ERCC6L2: variants seen among roughly 807,000 people sequenced by gnomAD.
ERCC6L2 encodes the protein DNA excision repair protein ERCC-6-like 2.
Under a neutral mutation model 132.0 loss-of-function variants are expected in ERCC6L2, and 77 were observed. The ratio of observed to expected loss-of-function variants is 0.58; its 90% CI spans 0.49 to 0.71. The LOEUF (loss-of-function observed/expected upper bound fraction) is 0.71, where lower values mean the gene tolerates loss of function less well. Ranked by LOEUF, ERCC6L2 falls within the 30% of genes least tolerant of loss-of-function variation. ERCC6L2 has a pLI of 0.00. For missense variants in ERCC6L2, 1,542 were observed against 1,837.6 expected, an observed-to-expected ratio of 0.84 and a Z score of 2.94; for synonymous variants, 583 against 632.4, an observed-to-expected ratio of 0.92 and a Z score of 1.17.
chr9:96,020,889 T>C (rs1406900938), downstream of ERCC6L2: 5 of 456,510 alleles, frequency 1.1e-5, no homozygotes, highest in Non-Finnish European at 2.2e-5. Context: ...CTGGTTTGGG[T>C]TGGCCAGGCG....
intron 2 of ERCC6L2, among the ~76,000 whole-genome samples, chr9:95,881,602 A>G (rs1210272889): frequency 6.6e-6 from 1 of 152,202 alleles, no homozygotes; most frequent in Non-Finnish European, 1.5e-5. Context: ...AACTTTCTTC[A>G]TACTTAATGG....
intron 12 of ERCC6L2, among the ~76,000 whole-genome samples, chr9:95,949,471 A>G (rs1179568853): frequency 1.3e-5 from 2 of 152,212 alleles, no homozygotes; most frequent in Non-Finnish European, 2.9e-5. Context: ...TGTCATGTAC[A>G]AGGAATTTCC....
intron 11 of ERCC6L2, among the ~76,000 whole-genome samples, chr9:95,933,518 C>T (rs556946238): frequency 1.1e-4 from 17 of 152,256 alleles, no homozygotes; most frequent in Admixed American, 1.0e-3. Context: ...TCAATTTTCT[C>T]GCCTGAAAAA....
intron 3 of ERCC6L2, among the ~76,000 whole-genome samples, chr9:95,899,668 C>T (rs993358294): frequency 6.6e-6 from 1 of 150,642 alleles, no homozygotes; most frequent in South Asian, 2.1e-4. Context: ...ATATCACACA[C>T]ACACATATAC....
In ERCC6L2 at chr9:95,922,288, T is replaced by C. The variant is rs376872205; in HGVS notation, c.1300-17T>C. 7.1e-7 allele frequency: 1 copy of C among 1,403,966 alleles called. No individual in the cohort carries two copies. The highest frequency in any genetic ancestry group is 1.2e-5 in the South Asian group (1 of 85,636). 87.0% of individuals were successfully genotyped at this position (1,403,966 alleles called of 1,614,324 possible). On this transcript the variant is annotated splice_polypyrimidine_tract_variant and intron_variant, in intron 7 of 18. Coordinates refer to ENST00000653738, the MANE Select transcript of ERCC6L2 (RefSeq NM_020207.7). Reference sequence around the variant, plus strand: ...CTATGCTGGTCCTTTTTATTTTCTATATTTTTCTGGTTACAGACCAATTCT... The same window carrying C: ...CTATGCTGGTCCTTTTTATTTTCTACATTTTTCTGGTTACAGACCAATTCT...
intron 13 of ERCC6L2, among the ~76,000 whole-genome samples, chr9:95,959,368 C>CA (rs1237205520): frequency 1.3e-5 from 2 of 151,784 alleles, no homozygotes; most frequent in Non-Finnish European, 2.9e-5. Context: ...ACACCTTATA[C>CA]AAAAATTAAT....
chr9:95,921,060 C>A, intron 6 of ERCC6L2, 115 bp from the exon 7 acceptor site: 2 of 981,818 alleles, frequency 2.0e-6, no homozygotes, highest in Non-Finnish European at 2.9e-6. Context: ...CAGGCGTGAG[C>A]CTCTGCGCCC....
At chr9:95,905,055 G>GCTAA (rs1828964903) in intron 3 of ERCC6L2, 1 of 152,188 alleles carries the variant, frequency 6.6e-6, no homozygotes, top group Admixed American at 6.6e-5. Flanking sequence ...GATCTTGGAA[G>GCTAA]CTAAGCAGGG....
chr9:95,919,045 T>C (rs1186343670), intron 6 of ERCC6L2, among the ~76,000 whole-genome samples: 1 of 152,138 alleles, frequency 6.6e-6, no homozygotes, highest in African/African-American at 2.4e-5. Flanking sequence ...ATTTTTGTAT[T>C]TGTAGTAGAG....
chr9:95,988,848 C>G (rs1230184503), intron 17 of ERCC6L2, among the ~76,000 whole-genome samples: 1 of 152,188 alleles, frequency 6.6e-6, no homozygotes, highest in Admixed American at 6.5e-5. Flanking sequence ...CACTCAGTCC[C>G]ACAAGACTAC....
At chr9:95,923,492 G>C in intron 9 of ERCC6L2, 113 bp downstream of exon 9, 1 of 1,225,596 alleles carries the variant, frequency 8.2e-7, no homozygotes, top group Admixed American at 2.1e-5. Context: ...CAGAAGAGAT[G>C]GTGGCTATGG....
chr9:95,984,325 GTATA>G (rs746750743), intron 17 of ERCC6L2, among the ~76,000 whole-genome samples: 22 of 149,366 alleles, frequency 1.5e-4, no homozygotes, highest in Admixed American at 1.3e-3. Context: ...TATTATATGT[GTATA>G]TATATATGTA....
rs551623528 is a variant in ERCC6L2, at chr9:95,940,086, A to T, written c.1752-1368A>T. ...AGACCCTGTTATCATTGGGAAGAAA[A>T]CGAAAGCTCTAGCTCTTCACTCAGT... On this transcript the variant is annotated intron_variant, in intron 11 of 18. Coordinates refer to ENST00000653738, the MANE Select transcript of ERCC6L2 (RefSeq NM_020207.7). Among the ~76,000 whole-genome samples, 12 of 152,230 alleles carry T rather than the reference A, an allele frequency of 7.9e-5. No individual in the cohort carries two copies. The South Asian group carries it at 2.5e-3, about 32-fold the overall frequency.
At chr9:95,891,820 T>G (rs1182173718) in intron 2 of ERCC6L2, among the ~76,000 whole-genome samples, 1 of 152,356 alleles carries the variant, frequency 6.6e-6, no homozygotes, top group East Asian at 1.9e-4. Context: ...TATTTTCATG[T>G]GCTTTTTTGG....
chr9:95,963,256 A>G (rs1010407022), intron 13 of ERCC6L2, among the ~76,000 whole-genome samples: 2 of 151,600 alleles, frequency 1.3e-5, no homozygotes, highest in Non-Finnish European at 2.9e-5. Context: ...CACTCAAATC[A>G]CTCAAATTCC....
At chr9:96,020,031 CATT>C (rs1426310770), downstream of ERCC6L2, 1 of 152,274 alleles carries the variant, frequency 6.6e-6, no homozygotes, top group Non-Finnish European at 1.5e-5. Context: ...TAAAAATACA[CATT>C]AGCCGGGCGT....
intron 18 of ERCC6L2, among the ~76,000 whole-genome samples, chr9:96,006,837 G>A (rs1833879778): frequency 6.6e-6 from 1 of 152,078 alleles, no homozygotes; most frequent in Non-Finnish European, 1.5e-5. Context: ...GAGAAGTTAG[G>A]AAACAAATCA....
chr9:95,979,547 A>G (rs1266936561), intron 17 of ERCC6L2, among the ~76,000 whole-genome samples: 1 of 152,210 alleles, frequency 6.6e-6, no homozygotes, highest in African/African-American at 2.4e-5. Context: ...GTGAAGAGTC[A>G]GTTGTCTTAT....
In ERCC6L2 at chr9:95,972,737, A is replaced by G; in HGVS notation, c.2986A>G (p.Lys996Glu). 2 of 1,303,202 alleles carry G rather than the reference A, an allele frequency of 1.5e-6. No homozygotes were observed. The highest frequency in any genetic ancestry group is 2.5e-5 in the South Asian group (2 of 80,834). 80.7% of individuals were successfully genotyped at this position (1,303,202 alleles called of 1,614,324 possible). A position where few individuals can be genotyped will look rare whatever the true frequency, so the allele number is the denominator to read the frequency against. Residue 996 changes from lysine (K) to glutamate (E), a missense_variant, in exon 16 of 19, where the codon AAG (lysine) becomes GAG (glutamate). Lys to Glu is a moderately conservative substitution (Grantham distance 56). Transcript: ENST00000653738. Reference sequence around the variant, plus strand: ...AATTTCTTCCAAGTCAAGAGTAAGAAAGAGAGCTAGTTCATTGAGGTTTAA... The same window carrying G: ...AATTTCTTCCAAGTCAAGAGTAAGAGAGAGAGCTAGTTCATTGAGGTTTAA... ...IEISSKSRVR[K>E]RASSLRFKRI...
Sources: gnomAD v4.1 joint callset for allele counts (sites outside exome capture counted in the v4.1 genomes callset) on GRCh38, gnomAD v4.1.1 for gene constraint, MANE v1.5 for transcripts, NCBI Gene and HGNC (gene_info 2026-07-23, HGNC 2026-07-21) for gene names.